The following WWTR1 variants were observed in gnomAD, a reference collection of about 807,000 sequenced individuals.
WWTR1 encodes the protein WW domain-containing transcription regulator protein 1.
Under a neutral mutation model 40.1 loss-of-function variants are expected in WWTR1, and 13 were observed. The ratio of observed to expected loss-of-function variants is 0.32; its 90% confidence interval spans 0.21 to 0.52. WWTR1 has a LOEUF of 0.52. Ranked by LOEUF, WWTR1 falls within the 20% of genes least tolerant of loss-of-function variation. The pLI is 0.97. For synonymous variants in WWTR1, 230 were observed against 210.1 expected (o/e 1.09, Z -0.82); for missense variants, 436 against 523.1 (o/e 0.83, Z 1.63).
intron 6 of WWTR1, among the ~76,000 whole-genome samples, chr3:149,524,327 GTTTTTTTT>G (rs3044124): frequency 2.9e-5 from 4 of 139,282 alleles, no homozygotes; most frequent in Admixed American, 7.3e-5. Context: ...CTCTTTTATG[GTTTTTTTT>G]TTTTTTTTTT....
intron 2 of WWTR1, among the ~76,000 whole-genome samples, chr3:149,649,506 G>T (rs1712724510): frequency 6.6e-6 from 1 of 152,210 alleles, no homozygotes; most frequent in South Asian, 2.1e-4. Flanking sequence ...ATAGCACTGA[G>T]CAAGTGAACA....
chr3:149,559,953 C>T (rs542177374), intron 3 of WWTR1, among the ~76,000 whole-genome samples: 5 of 152,270 alleles, frequency 3.3e-5, no homozygotes, highest in South Asian at 2.1e-4. Flanking sequence ...TCAGAAGAAA[C>T]GCCACTGGAT....
intron 4 of WWTR1, among the ~76,000 whole-genome samples, chr3:149,529,411 AT>A (rs939398329): frequency 3.9e-5 from 6 of 152,210 alleles, no homozygotes; most frequent in African/African-American, 1.2e-4. Flanking sequence ...GACCTGATTG[AT>A]TTAAAAAAAA....
At chr3:149,645,884 A>T (rs1033267027) in intron 2 of WWTR1, among the ~76,000 whole-genome samples, 42 of 152,224 alleles carry the variant, frequency 2.8e-4, no homozygotes, top group African/African-American at 1.0e-3. Context: ...AATGCTTACC[A>T]GCAGACTAGT....
chr3:149,555,934 G>T (rs988663702), intron 3 of WWTR1, among the ~76,000 whole-genome samples: 2 of 152,220 alleles, frequency 1.3e-5, no homozygotes, highest in African/African-American at 4.8e-5. Context: ...GTTAAGAAAG[G>T]CCTCTGTGAA....
At chr3:149,554,757 C>CTT (rs1384850532) in intron 3 of WWTR1, among the ~76,000 whole-genome samples, 1 of 152,118 alleles carries the variant, frequency 6.6e-6, no homozygotes, top group Non-Finnish European at 1.5e-5. Flanking sequence ...ATGTGCTACT[C>CTT]TGACTCCATT....
intron 2 of WWTR1, among the ~76,000 whole-genome samples, chr3:149,663,517 G>A (rs1164863690): frequency 6.6e-6 from 1 of 150,424 alleles, no homozygotes; most frequent in Non-Finnish European, 1.5e-5. Flanking sequence ...CCAACATGGT[G>A]AAACCCCGTT....
In WWTR1 at chr3:149,593,075, C is replaced by T. The variant is rs563715236; in HGVS notation, c.432-20075G>A. Among the ~76,000 whole-genome samples, 3 of 152,242 alleles carry T rather than the reference C, an allele frequency of 2.0e-5. No individual in the cohort carries two copies. The South Asian group carries it at 6.2e-4, about 32-fold the overall frequency. On this transcript the variant is annotated intron_variant, in intron 2 of 6. Coordinates refer to ENST00000360632, the MANE Select transcript of WWTR1 (RefSeq NM_015472.6). Reference sequence around the variant, plus strand: ...ACCCAGATACCGACTGCAGGATCCGCGTGATCTGATTTAGGCTGGGCATAC... The same window carrying T: ...ACCCAGATACCGACTGCAGGATCCGTGTGATCTGATTTAGGCTGGGCATAC...
intron 2 of WWTR1, among the ~76,000 whole-genome samples, chr3:149,629,024 G>A (rs1416049712): frequency 6.6e-6 from 1 of 152,106 alleles, no homozygotes; most frequent in Non-Finnish European, 1.5e-5. Context: ...TTACCATCGT[G>A]TCCTCCCAAA....
intron 3 of WWTR1, among the ~76,000 whole-genome samples, chr3:149,571,214 C>CTTTTTTTTTTTTTTTTTTT (rs10535515): frequency 9.9e-6 from 1 of 101,276 alleles, no homozygotes; most frequent in African/African-American, 3.9e-5. Context: ...TTTTTCTTTT[C>CTTTTTTTTTTTTTTTTTTT]TTTTTTTTTT....
chr3:149,673,545 G>T (rs1186591530), intron 1 of WWTR1, among the ~76,000 whole-genome samples: 2 of 152,174 alleles, frequency 1.3e-5, no homozygotes, highest in Non-Finnish European at 2.9e-5. Flanking sequence ...TATGTGCTTG[G>T]TATGGATGCA....
At chr3:149,699,292 CT>C (rs35576449) in intron 1 of WWTR1, among the ~76,000 whole-genome samples, 9,263 of 131,610 alleles carry the variant, frequency 0.07, 247 homozygotes, top group Non-Finnish European at 0.087. Flanking sequence ...GGTCATCATT[CT>C]TTTTTTTTTT....
At chr3:149,637,644 AT>A (rs957330809) in intron 2 of WWTR1, among the ~76,000 whole-genome samples, 1 of 152,180 alleles carries the variant, frequency 6.6e-6, no homozygotes, top group African/African-American at 2.4e-5. Context: ...AGTTGGAGAA[AT>A]GAAATAAACC....
chr3:149,715,517 C>A (rs932713260), intron 5 of WWTR1, among the ~76,000 whole-genome samples: 7 of 152,228 alleles, frequency 4.6e-5, no homozygotes, highest in Non-Finnish European at 1.0e-4. Context: ...GCTTACACAT[C>A]CCTTGCCGCT....
At chr3:149,578,249 G>A (rs1331904841) in intron 2 of WWTR1, among the ~76,000 whole-genome samples, 1 of 152,132 alleles carries the variant, frequency 6.6e-6, no homozygotes. Flanking sequence ...CTCTGACCCT[G>A]TGTGATCTAA....
chr3:149,682,990 C>T (rs1055855940), intron 1 of WWTR1, among the ~76,000 whole-genome samples: 3 of 152,038 alleles, frequency 2.0e-5, no homozygotes, highest in African/African-American at 4.8e-5. Context: ...ATAGAAAAGA[C>T]AAAAAGACAA....
intron 2 of WWTR1, among the ~76,000 whole-genome samples, chr3:149,600,733 G>C (rs1348684450): frequency 6.6e-6 from 1 of 152,148 alleles, no homozygotes; most frequent in Non-Finnish European, 1.5e-5. Flanking sequence ...ATTATCAACT[G>C]CTTGACCAAT....
chr3:149,625,840 A>G (rs1740522321), intron 2 of WWTR1, among the ~76,000 whole-genome samples: 1 of 152,054 alleles, frequency 6.6e-6, no homozygotes, highest in African/African-American at 2.4e-5. Flanking sequence ...TTATATTCTC[A>G]AAAGGAAACA....
intron 2 of WWTR1, among the ~76,000 whole-genome samples, chr3:149,622,760 C>T (rs1379381955): frequency 6.6e-6 from 1 of 152,114 alleles, no homozygotes; most frequent in Non-Finnish European, 1.5e-5. Context: ...CACAGTGGTG[C>T]ATGCCTGTAG....
Sources: allele counts gnomAD v4.1 joint callset (sites outside exome capture counted in the v4.1 genomes callset), GRCh38; gene constraint gnomAD v4.1.1; transcripts MANE v1.5; gene names NCBI Gene and HGNC (gene_info 2026-07-23, HGNC 2026-07-21).